The following MLYCD variants were observed in gnomAD, a reference collection of about 807,000 sequenced individuals.
MLYCD encodes malonyl-CoA decarboxylase.
MLYCD carries 27 observed loss-of-function variants against 35.8 expected under a neutral mutation model. The ratio of observed to expected loss-of-function variants is 0.75; its 90% CI spans 0.56 to 1.04. The LOEUF (loss-of-function observed/expected upper bound fraction) is 1.04. MLYCD is among the 50% of genes least tolerant of loss of function. The pLI, the probability that MLYCD is intolerant of heterozygous loss-of-function variation, is 0.00. For synonymous variants in MLYCD, 403 were observed against 302.4 expected (o/e 1.33, Z -3.45); for missense variants, 917 against 665.1 (o/e 1.38, Z -4.17).
intron 1 of MLYCD, among the ~76,000 whole-genome samples, chr16:83,905,395 A>C (rs995284257): frequency 1.3e-5 from 2 of 152,174 alleles, no homozygotes; most frequent in Non-Finnish European, 2.9e-5. Context: ...TATGTAGTTT[A>C]TGAGTAACAA....
rs770311684 is a variant in MLYCD at position 83,915,123 on chromosome 16, C to T, written c.1116C>T (p.Asn372=). ...EISEITGGPI[N]ETLKLLLSSS... ...CGGAGATCACAGGTGGCCCCATTAA[C>T]GAGACCCTCAAGCTCCTCCTCAGCA... is the stretch of plus-strand genomic sequence containing the variant. Residue 372 remains asparagine, a synonymous_variant, in exon 5 of 5, where the codon AAC becomes AAT. Coordinates refer to ENST00000262430, the MANE Select transcript of MLYCD (RefSeq NM_012213.3). 4.2e-5 allele frequency: 68 copies of T among 1,614,150 alleles called. No individual in the cohort carries two copies. The highest frequency in any genetic ancestry group is 6.7e-5 in the African/African-American group (5 of 74,942).
chr16:83,914,493 G>T (rs2151059739), intron 4 of MLYCD: 1 of 255,292 alleles, frequency 3.9e-6, no homozygotes, highest in South Asian at 4.6e-5. Flanking sequence ...CCAGCTGTCT[G>T]GTTTTAGGCA....
intron 4 of MLYCD, chr16:83,913,777 G>A (rs1222220246): frequency 1.4e-5 from 2 of 145,266 alleles, no homozygotes; most frequent in Non-Finnish European, 3.0e-5. Context: ...CTGCACCATT[G>A]CGCTCCAGCC....
chr16:83,911,868 G>T, intron 3 of MLYCD: 1 of 339,632 alleles, frequency 2.9e-6, no homozygotes, highest in Non-Finnish European at 5.7e-6. Flanking sequence ...GGATCCGTGT[G>T]TTATCGCTGA....
In MLYCD at chr16:83,915,515, G is replaced by A; in HGVS notation, c.*26G>A. On this transcript the variant is annotated 3_prime_UTR_variant, in exon 5 of 5. Coordinates refer to ENST00000262430, the MANE Select transcript of MLYCD (RefSeq NM_012213.3). ...CAGTAAACCTCTCCTAAAGCACAGG[G>A]CCCCGGCTAAGAAAACGATCATTTT... 6.2e-7 allele frequency: 1 copy of A among 1,605,314 alleles called. No individual in the cohort carries two copies. The highest frequency in any genetic ancestry group is 8.5e-7 in the Non-Finnish European group (1 of 1,179,708).
rs993384680 is a variant in MLYCD at position 83,918,183 on chromosome 16, A to G, written c.*2694A>G. The G allele has an allele frequency of 1.3e-4, 20 of 152,276 alleles. No homozygotes were observed. Among genetic ancestry groups the G allele is most frequent in the African/African-American group, 4.8e-4 (20 of 41,470 alleles). 9.4% of individuals were successfully genotyped at this position (152,276 alleles called of 1,614,324 possible). A position where few individuals can be genotyped will look rare whatever the true frequency, so the allele number is the denominator to read the frequency against. Reference sequence around the variant, plus strand: ...ACCCTCCCGGTTTTATTTATCACTCAGGCAGAGTTTCTTAACCTTTTGTGA... The same window carrying G: ...ACCCTCCCGGTTTTATTTATCACTCGGGCAGAGTTTCTTAACCTTTTGTGA... On this transcript the variant is annotated 3_prime_UTR_variant, in exon 5 of 5. Coordinates refer to ENST00000262430, the MANE Select transcript of MLYCD (RefSeq NM_012213.3).
chr16:83,915,163 C>T lies in MLYCD; in HGVS notation c.1156C>T (p.Gln386Ter), dbSNP rs1233567091. The T allele has an allele frequency of 6.2e-7, 1 of 1,614,074 alleles. No individual in the cohort carries two copies. Among genetic ancestry groups the T allele is most frequent in the Non-Finnish European group, 8.5e-7 (1 of 1,180,000 alleles). ...KLLLSSSEWV[Q>*]SEKLVRALQT... ...CCTCCTCAGCAGCAGCGAGTGGGTG[C>T]AGTCGGAGAAGCTGGTGCGGGCGCT... Residue 386 changes from glutamine (Q) to a stop codon, truncating the protein, a stop_gained, in exon 5 of 5, where the codon CAG becomes TAG. Coordinates refer to ENST00000262430, the MANE Select transcript of MLYCD (RefSeq NM_012213.3). LOFTEE classifies it high-confidence loss of function.
intron 4 of MLYCD, chr16:83,913,082 A>AG (rs1907237357): frequency 6.3e-6 from 1 of 158,064 alleles, no homozygotes; most frequent in Non-Finnish European, 1.4e-5. Flanking sequence ...GGCTCTGAGC[A>AG]GGGTGTTCAC....
At chr16:83,899,724 A>C (rs1906714351) in intron 1 of MLYCD, 52 bp downstream of exon 1, 3 of 1,472,718 alleles carry the variant, frequency 2.0e-6, no homozygotes, top group Non-Finnish European at 2.7e-6. Context: ...GCCCTCCTCG[A>C]GTAGTCCTCA....
In MLYCD at chr16:83,917,794, G is replaced by T. The variant is rs1390156214; in HGVS notation, c.*2305G>T. 1 of 152,242 alleles carries T rather than the reference G, an allele frequency of 6.6e-6. No homozygotes were observed. Among genetic ancestry groups the T allele is most frequent in the East Asian group, 1.9e-4 (1 of 5,200 alleles). 9.4% of individuals were successfully genotyped at this position (152,242 alleles called of 1,614,324 possible). Reference sequence around the variant, plus strand: ...CCAGCAGTCTTCTGTGCTTTATCCTGCTGCCTCCAGAGTGCCATGGACAGA... The same window carrying T: ...CCAGCAGTCTTCTGTGCTTTATCCTTCTGCCTCCAGAGTGCCATGGACAGA... On this transcript the variant is annotated 3_prime_UTR_variant, in exon 5 of 5. Coordinates refer to ENST00000262430, the MANE Select transcript of MLYCD (RefSeq NM_012213.3).
Position 83,917,686 on chromosome 16 carries a change from G to T in MLYCD, c.*2197G>T, listed in dbSNP as rs999781256. On this transcript the variant is annotated 3_prime_UTR_variant, in exon 5 of 5. Transcript: ENST00000262430. ...CTTCTTGCGGGCAGAGTTCTTTACC[G>T]TAAGCGTCCCCAGACCCTCAGGCCT... 6.6e-6 allele frequency: 1 copy of T among 152,210 alleles called. No individual in the cohort carries two copies. Among genetic ancestry groups the T allele is most frequent in the African/African-American group, 2.4e-5 (1 of 41,440 alleles). The allele number at this position is 152,210 out of a possible 1,614,324, so 9.4% of individuals were successfully genotyped here. A position where few individuals can be genotyped will look rare whatever the true frequency, so the allele number is the denominator to read the frequency against.
In MLYCD at chr16:83,899,645, C is replaced by G. The variant is rs1003003517; in HGVS notation, c.501C>G (p.Leu167=). 6.5e-6 allele frequency: 10 copies of G among 1,548,544 alleles called. No individual in the cohort carries two copies. Among genetic ancestry groups the G allele is most frequent in the African/African-American group, 2.7e-5 (2 of 73,056 alleles). Residue 167 remains leucine (L), a synonymous_variant, in exon 1 of 5, where the codon CTC becomes CTG. Transcript: ENST00000262430. ...CCGACCTGCTGGAGGCGCAGGCCCTCAAGCTGGTGGAGGGGCCGGACGTCC... is the reference window on the plus strand; with the variant it reads ...CCGACCTGCTGGAGGCGCAGGCCCTGAAGCTGGTGGAGGGGCCGGACGTCC... ...LRADLLEAQA[L]KLVEGPDVRE...
intron 3 of MLYCD, among the ~76,000 whole-genome samples, chr16:83,910,058 C>T (rs377518304): frequency 1.3e-5 from 2 of 152,036 alleles, no homozygotes; most frequent in South Asian, 2.1e-4. Context: ...TCTAAGGGCA[C>T]GTGAGAATGT....
Position 83,924,498 on chromosome 16 carries a change from C to T in MLYCD, c.*9009C>T, listed in dbSNP as rs992538831. The T allele has an allele frequency of 5.9e-5, 9 of 152,144 alleles. No homozygotes were observed. The highest frequency in any genetic ancestry group is 1.2e-4 in the African/African-American group (5 of 41,426). 9.4% of individuals were successfully genotyped at this position (152,144 alleles called of 1,614,324 possible). A position where few individuals can be genotyped will look rare whatever the true frequency, so the allele number is the denominator to read the frequency against. On this transcript the variant is annotated 3_prime_UTR_variant, in exon 5 of 5. Transcript: ENST00000262430. ...CGGCTTGTTCTCTCACGTCTGTTGC[C>T]GTAAATCTGTCTCCATCGCCTGGCA...
At chr16:83,903,099 T>C (rs58958774) in intron 1 of MLYCD, among the ~76,000 whole-genome samples, 8,951 of 152,128 alleles carry the variant, frequency 0.059, 322 homozygotes, top group East Asian at 0.14. Flanking sequence ...CGAGGTTCAG[T>C]GATTTGTGGG....
At position 83,916,018 on chromosome 16, in the gene MLYCD, G is replaced by C; in HGVS notation, c.*529G>C. 7.0e-6 allele frequency: 7 copies of C among 1,005,540 alleles called. No homozygotes were observed. The highest frequency in any genetic ancestry group is 8.3e-6 in the Non-Finnish European group (7 of 840,220). The allele number at this position is 1,005,540 out of a possible 1,614,324, so 62.3% of individuals were successfully genotyped here. A position where few individuals can be genotyped will look rare whatever the true frequency, so the allele number is the denominator to read the frequency against. On this transcript the variant is annotated 3_prime_UTR_variant, in exon 5 of 5. Coordinates refer to ENST00000262430, the MANE Select transcript of MLYCD (RefSeq NM_012213.3). ...CATTCTGAAGCTCATAAATGTATGA[G>C]AAGGTTTGTGATTTTGCACAAGGTG...
intron 2 of MLYCD, 108 bp from the exon 3 acceptor site, chr16:83,908,018 C>T: frequency 7.2e-7 from 1 of 1,389,186 alleles, no homozygotes; most frequent in South Asian, 1.2e-5. Context: ...TCCATTAAAG[C>T]TCTATTTAAA....
chr16:83,909,920 C>A (rs770702775), intron 3 of MLYCD, among the ~76,000 whole-genome samples: 9 of 151,900 alleles, frequency 5.9e-5, no homozygotes, highest in Non-Finnish European at 4.4e-5. Context: ...AAGGCGTGAG[C>A]CACCGTGCCC....
rs777414552 is a variant in MLYCD at position 83,914,953 on chromosome 16, CAG to C, written c.953_954del. On this transcript the variant is annotated splice_acceptor_variant, in intron 4 of 4. Transcript: ENST00000262430. LOFTEE classifies it high-confidence loss of function. ...TCCTTTCCACCCCAACCATGCTTTACAGAGAGAGTTTCCTCACCTTGGGGTGT... is the reference window on the plus strand; with the variant it reads ...TCCTTTCCACCCCAACCATGCTTTACAGAGAGTTTCCTCACCTTGGGGTGT... 9 of 1,614,132 alleles carry C rather than the reference CAG, an allele frequency of 5.6e-6. No individual in the cohort carries two copies. The highest frequency in any genetic ancestry group is 2.7e-5 in the African/African-American group (2 of 74,936).
Sources: gnomAD v4.1 joint callset for allele counts (sites outside exome capture counted in the v4.1 genomes callset) on GRCh38, gnomAD v4.1.1 for gene constraint, MANE v1.5 for transcripts, NCBI Gene and HGNC (gene_info 2026-07-23, HGNC 2026-07-21) for gene names.